ECD: variants seen among roughly 807,000 people sequenced by gnomAD.
ECD encodes ecdysoneless cell cycle regulator, also known as protein ecdysoneless homolog.
ECD carries 59 observed loss-of-function variants against 77.2 expected under a neutral mutation model. The ratio of observed to expected loss-of-function variants is 0.76; its 90% CI spans 0.62 to 0.95. ECD has a LOEUF of 0.95. Among genes scored for constraint, ECD ranks in the 40% least tolerant of loss-of-function variants. The probability of loss-of-function intolerance (pLI) is 0.00; values close to 1 mark genes in which losing one functional copy is unlikely to be tolerated. For missense variants in ECD, 704 were observed against 763.4 expected (o/e 0.92, Z 0.92); for synonymous variants, 233 against 267.4 (o/e 0.87, Z 1.26).
In ECD at chr10:73,134,907, T is replaced by C. The variant is rs973146993; in HGVS notation, c.1705-94A>G. ...AAGATAACTAAGCCACAATGTAAAT[T>C]TGCATTCCAAATTAAAAAGGAAACT... is the stretch of plus-strand genomic sequence containing the variant. On this transcript the variant is annotated intron_variant, in intron 13 of 13. Coordinates refer to ENST00000372979, the MANE Select transcript of ECD (RefSeq NM_007265.3). 4.5e-6 allele frequency: 5 copies of C among 1,100,292 alleles called. No individual in the cohort carries two copies. The African/African-American group carries it at 6.3e-5, about 14-fold the overall frequency. The allele number at this position is 1,100,292 out of a possible 1,614,324, so 68.2% of individuals were successfully genotyped here.
chr10:73,162,442 T>G (rs558400803), intron 2 of ECD, among the ~76,000 whole-genome samples: 1 of 152,326 alleles, frequency 6.6e-6, no homozygotes, highest in African/African-American at 2.4e-5. Context: ...AAAAATGGTT[T>G]TCTAGAGGAT....
intron 3 of ECD, among the ~76,000 whole-genome samples, chr10:73,159,382 G>T (rs1310165537): frequency 6.6e-6 from 1 of 152,132 alleles, no homozygotes; most frequent in Non-Finnish European, 1.5e-5. Flanking sequence ...TATAGCTATG[G>T]TCTAGTACAG....
intron 8 of ECD, among the ~76,000 whole-genome samples, chr10:73,147,262 TA>T (rs1843142543): frequency 2.6e-5 from 4 of 151,874 alleles, no homozygotes; most frequent in Admixed American, 2.6e-4. Flanking sequence ...ACAACAACAG[TA>T]ATAGCTGGGC....
At chr10:73,166,462 C>T (rs12243052) in intron 1 of ECD, among the ~76,000 whole-genome samples, 15,999 of 152,172 alleles carry the variant, frequency 0.11, 1,241 homozygotes, top group East Asian at 0.3. Context: ...TATCCAAATC[C>T]TTGCCAGCAT....
rs574386748 is a variant in ECD, at chr10:73,136,856, T to C, written c.1552A>G (p.Ser518Gly). Residue 518 changes from serine to glycine, a missense_variant, in exon 13 of 14, where the codon AGT becomes GGT. By Grantham distance (56) the Ser-to-Gly change is moderately conservative. This residue lies in a region of ECD where 142 missense variants were observed against 163.6 expected (regional missense o/e 0.87). Coordinates refer to ENST00000372979, the MANE Select transcript of ECD (RefSeq NM_007265.3). The stretch of plus-strand genomic sequence containing the variant: ...GTTTCAAAGTCCAAGTCATCATCAC[T>C]ATCTAAACATTCAAAGTCTTCATCA... ...LDDEDFECLD[S>G]DDDLDFETHE... 6.2e-7 allele frequency: 1 copy of C among 1,614,110 alleles called. No homozygotes were observed. Among genetic ancestry groups the C allele is most frequent in the East Asian group, 2.2e-5 (1 of 44,874 alleles).
intron 5 of ECD, among the ~76,000 whole-genome samples, chr10:73,155,879 C>T (rs1324534200): frequency 6.6e-6 from 1 of 152,106 alleles, no homozygotes; most frequent in East Asian, 1.9e-4. Flanking sequence ...GCTGGGATTA[C>T]AGGTGTGAGC....
chr10:73,140,223 T>C (rs1054122922), intron 9 of ECD, among the ~76,000 whole-genome samples: 5 of 151,766 alleles, frequency 3.3e-5, no homozygotes, highest in Non-Finnish European at 7.4e-5. Flanking sequence ...GACCTCATAA[T>C]CCCCCTGCCT....
intron 5 of ECD, 118 bp downstream of exon 5, chr10:73,156,157 A>G (rs1843292363): frequency 1.1e-6 from 1 of 894,392 alleles, no homozygotes; most frequent in African/African-American, 1.7e-5. Context: ...TTATAGTCAA[A>G]GAAAGACTGA....
At chr10:73,153,535 G>C (rs971609087) in intron 6 of ECD, among the ~76,000 whole-genome samples, 1 of 151,386 alleles carries the variant, frequency 6.6e-6, no homozygotes, top group African/African-American at 2.4e-5. Flanking sequence ...TCAGGAGTTC[G>C]AGACCAGTCT....
intron 13 of ECD, among the ~76,000 whole-genome samples, chr10:73,135,143 A>T (rs924651234): frequency 1.1e-4 from 16 of 152,256 alleles, no homozygotes; most frequent in African/African-American, 3.6e-4. Flanking sequence ...CTTAAAAGAA[A>T]CAAACATAAA....
At chr10:73,137,931 A>G in intron 12 of ECD, 72 bp downstream of exon 12, 2 of 1,214,302 alleles carry the variant, frequency 1.6e-6, no homozygotes, top group Non-Finnish European at 2.2e-6. Flanking sequence ...GATATCTCAT[A>G]AACCAATGCT....
intron 1 of ECD, 34 bp from the exon 2 acceptor site, chr10:73,163,984 G>T: frequency 6.4e-7 from 1 of 1,562,634 alleles, no homozygotes; most frequent in South Asian, 1.1e-5. Flanking sequence ...AAACCACATA[G>T]AACAATGCAG....
chr10:73,163,749 T>G lies in ECD; in HGVS notation c.189A>C (p.Lys63Asn), dbSNP rs368849857. The change falls in exon 2 of 14, where the codon AAA becomes AAC. Residue 63 changes from lysine to asparagine, a missense_variant. By Grantham distance (94) the Lys-to-Asn change is moderately conservative (BLOSUM62 0). Transcript: ENST00000372979. ...GAGCCTTACCTTTCCCAGGTTTATA[T>G]TTAAGATTGAAAGGCTGATTCTGCC... Reference protein sequence around the residue: ...YIWQNQPFNLKYKPGKGGVPA... With the variant: ...YIWQNQPFNLNYKPGKGGVPA... The G allele has an allele frequency of 6.2e-7, 1 of 1,613,948 alleles. No individual in the cohort carries two copies. Among genetic ancestry groups the G allele is most frequent in the Non-Finnish European group, 8.5e-7 (1 of 1,180,000 alleles).
chr10:73,156,232 C>T (rs745870993), intron 5 of ECD, 43 bp downstream of exon 5: 91 of 1,513,604 alleles, frequency 6.0e-5, no homozygotes, highest in Non-Finnish European at 7.7e-5. Context: ...TACACGAAAC[C>T]AAAAGGTTCC....
At position 73,134,542 on chromosome 10, in the gene ECD, A is replaced by G; in HGVS notation, c.*41T>C. ...CTAGAAATGAACAGAATCATATTCAATATTTATTTAAAAAGAAAAAAGAGA... is the reference window on the plus strand; with the variant it reads ...CTAGAAATGAACAGAATCATATTCAGTATTTATTTAAAAAGAAAAAAGAGA... On this transcript the variant is annotated 3_prime_UTR_variant, in exon 14 of 14. Coordinates refer to ENST00000372979, the MANE Select transcript of ECD (RefSeq NM_007265.3). The G allele has an allele frequency of 1.3e-6, 2 of 1,506,162 alleles. No individual in the cohort carries two copies. Among genetic ancestry groups the G allele is most frequent in the Non-Finnish European group, 9.1e-7 (1 of 1,095,046 alleles). 93.3% of individuals were successfully genotyped at this position (1,506,162 alleles called of 1,614,324 possible). A position where few individuals can be genotyped will look rare whatever the true frequency, so the allele number is the denominator to read the frequency against.
chr10:73,155,594 C>CTTTTTT (rs537974204), intron 5 of ECD, among the ~76,000 whole-genome samples: 5 of 124,828 alleles, frequency 4.0e-5, no homozygotes, highest in African/African-American at 6.1e-5. Flanking sequence ...TAGGTTTCTA[C>CTTTTTT]TTTTTTTTTT....
chr10:73,142,065 T>C (rs1843064727), intron 9 of ECD, among the ~76,000 whole-genome samples: 1 of 152,188 alleles, frequency 6.6e-6, no homozygotes, highest in African/African-American at 2.4e-5. Flanking sequence ...GCAATCTTCC[T>C]ATCTCAGCAA....
chr10:73,143,998 G>C (rs1159537988), intron 9 of ECD, among the ~76,000 whole-genome samples: 3 of 152,022 alleles, frequency 2.0e-5, no homozygotes, highest in Non-Finnish European at 4.4e-5. Context: ...TGAGGGAGAA[G>C]TGCTATTGAT....
chr10:73,166,160 A>ATT (rs373771139), intron 1 of ECD, among the ~76,000 whole-genome samples: 6 of 146,498 alleles, frequency 4.1e-5, no homozygotes, highest in Non-Finnish European at 9.1e-5. Flanking sequence ...ACAGAATCTC[A>ATT]TTTTTTTTTT....
Sources: allele counts gnomAD v4.1 joint callset (sites outside exome capture counted in the v4.1 genomes callset), GRCh38; gene constraint gnomAD v4.1.1; regional missense constraint gnomAD v4.1.1; transcripts MANE v1.5; gene names NCBI Gene and HGNC (gene_info 2026-07-23, HGNC 2026-07-21).